MYO3A: variants seen among roughly 807,000 people sequenced by gnomAD.
MYO3A encodes myosin-IIIa.
MYO3A carries 180 observed loss-of-function variants against 192.7 expected under a neutral mutation model. The ratio of observed to expected loss-of-function variants is 0.93; its 90% CI spans 0.83 to 1.06. The LOEUF is 1.06. MYO3A is among the 50% of genes least tolerant of loss of function. The pLI is 0.00. For synonymous variants in MYO3A, 628 were observed against 645.3 expected (o/e 0.97, Z 0.41); for missense variants, 1,896 against 1,905.0 (o/e 1.00, Z 0.09).
chr10:26,049,963 C>T lies in MYO3A; in HGVS notation c.954-17012C>T, dbSNP rs556333387. Among the ~76,000 whole-genome samples, 14 of 152,054 alleles carry T rather than the reference C, an allele frequency of 9.2e-5. No homozygotes were observed. In the East Asian group the frequency reaches 2.1e-3, roughly 23 times the overall value. On this transcript the variant is annotated intron_variant, in intron 10 of 34. Coordinates refer to ENST00000642920, the MANE Select transcript of MYO3A (RefSeq NM_017433.5). ...TACTGGGATTACAGGCATGAGCCAC[C>T]GCACGCAGCTGAAATTCTTTCTACT...
In MYO3A at chr10:26,208,989, T is replaced by C. The variant is rs1453542161; in HGVS notation, c.4731-2854T>C. Among the ~76,000 whole-genome samples the C allele has an allele frequency of 2.6e-5, 4 of 152,218 alleles. No individual in the cohort carries two copies. The South Asian group carries it at 8.3e-4, about 31-fold the overall frequency. ...AGGCAGCCCCTTAGTTACTTTGCAA[T>C]ATTACATTTCCCTAAAAATTCCTTA... On this transcript the variant is annotated intron_variant, in intron 34 of 34. Transcript: ENST00000642920.
chr10:25,999,636 T>G (rs1293678936), intron 6 of MYO3A, among the ~76,000 whole-genome samples: 4 of 152,244 alleles, frequency 2.6e-5, no homozygotes. Flanking sequence ...ATCAATTTTA[T>G]TTGAATCTGT....
At chr10:25,982,293 T>C (rs908805084) in intron 4 of MYO3A, among the ~76,000 whole-genome samples, 1 of 152,072 alleles carries the variant, frequency 6.6e-6, no homozygotes, top group Non-Finnish European at 1.5e-5. Context: ...CGCCACCTGG[T>C]GGTCTTTCTC....
At position 26,140,697 on chromosome 10, in the gene MYO3A, AAAG is replaced by A. The variant is rs1261424079; in HGVS notation, c.2263-2742_2263-2740del. Among the ~76,000 whole-genome samples the A allele has an allele frequency of 3.2e-4, 49 of 151,936 alleles. No homozygotes were observed. In the South Asian group the frequency reaches 4.8e-3, roughly 15 times the overall value. On this transcript the variant is annotated intron_variant, in intron 20 of 34. Transcript: ENST00000642920. Reference sequence around the variant, plus strand: ...GAGACTCTGTCTCAAAAAAAAAAAAAAAGAAGAAGAAAAACAAGGGACAACTTT... The same window carrying A: ...GAGACTCTGTCTCAAAAAAAAAAAAAAAGAAGAAAAACAAGGGACAACTTT...
chr10:26,153,915 A>T lies in MYO3A; in HGVS notation c.2701A>T (p.Ile901Phe). 1 of 1,592,828 alleles carries T rather than the reference A, an allele frequency of 6.3e-7. No homozygotes were observed. The highest frequency in any genetic ancestry group is 8.6e-7 in the Non-Finnish European group (1 of 1,160,932). ...TCAAATGAGGACTTCAGAAAAATTA[A>T]TCAACCTGGCAAAGGTAAGAAAATG... Reference protein sequence around the residue: ...NYQMRTSEKLINLAKGDTGEA... With the variant: ...NYQMRTSEKLFNLAKGDTGEA... Residue 901 changes from isoleucine to phenylalanine, a missense_variant, in exon 24 of 35, where the codon ATC (isoleucine) becomes TTC (phenylalanine). Ile to Phe is a conservative substitution (Grantham distance 21). Coordinates refer to ENST00000642920, the MANE Select transcript of MYO3A (RefSeq NM_017433.5).
chr10:25,936,965 A>G lies in MYO3A; in HGVS notation c.-18+1135A>G, dbSNP rs373445257. Among the ~76,000 whole-genome samples the G allele has an allele frequency of 5.4e-5, 8 of 148,728 alleles. No individual in the cohort carries two copies. The South Asian group carries it at 1.7e-3, about 31-fold the overall frequency. ...GATTAGACAATGTCGATATGTTTAT[A>G]GTTATAGATCATGTCTTGATAAAAA... On this transcript the variant is annotated intron_variant, in intron 2 of 34. Coordinates refer to ENST00000642920, the MANE Select transcript of MYO3A (RefSeq NM_017433.5).
At chr10:25,999,119 C>T (rs923352475) in intron 6 of MYO3A, among the ~76,000 whole-genome samples, 4 of 152,062 alleles carry the variant, frequency 2.6e-5, no homozygotes, top group Non-Finnish European at 5.9e-5. Flanking sequence ...AGGATGGTCT[C>T]GATCTCCTGA....
At chr10:25,974,210 T>C (rs1838837933) in intron 4 of MYO3A, among the ~76,000 whole-genome samples, 4 of 152,126 alleles carry the variant, frequency 2.6e-5, no homozygotes, top group Admixed American at 2.6e-4. Flanking sequence ...AGGACTAATA[T>C]CCAGAATCTA....
chr10:25,956,308 A>G (rs1837530963), intron 4 of MYO3A, among the ~76,000 whole-genome samples: 4 of 151,418 alleles, frequency 2.6e-5, no homozygotes. Context: ...TTATATTAAG[A>G]CTTTATATTC....
At chr10:26,048,912 G>A (rs1843794024) in intron 10 of MYO3A, among the ~76,000 whole-genome samples, 1 of 152,164 alleles carries the variant, frequency 6.6e-6, no homozygotes, top group African/African-American at 2.4e-5. Context: ...AAGAGGCCCA[G>A]GACAGAGCTC....
intron 15 of MYO3A, among the ~76,000 whole-genome samples, chr10:26,095,893 C>T (rs1311164775): frequency 6.6e-6 from 1 of 152,160 alleles, no homozygotes; most frequent in Non-Finnish European, 1.5e-5. Context: ...TATTAATCAT[C>T]AACTCTGTGG....
chr10:26,071,619 A>T (rs1835212788), intron 14 of MYO3A, among the ~76,000 whole-genome samples: 1 of 152,214 alleles, frequency 6.6e-6, no homozygotes, highest in African/African-American at 2.4e-5. Flanking sequence ...AATATTTGCA[A>T]GACACACAAC....
chr10:26,153,005 G>C (rs1035717441), intron 23 of MYO3A, among the ~76,000 whole-genome samples: 5 of 152,218 alleles, frequency 3.3e-5, no homozygotes, highest in Admixed American at 6.5e-5. Context: ...AAGAAGGAGA[G>C]AGACAAGAAA....
chr10:26,077,194 T>G (rs989086601), intron 14 of MYO3A, among the ~76,000 whole-genome samples: 14 of 149,304 alleles, frequency 9.4e-5, no homozygotes, highest in African/African-American at 3.4e-4. Context: ...GTTTTCCTTG[T>G]AGAGGTCTTT....
chr10:26,193,427 G>T (rs965037554), intron 32 of MYO3A, 116 bp downstream of exon 32: 1 of 843,760 alleles, frequency 1.2e-6, no homozygotes. Context: ...ACAGAGATGC[G>T]CTTGGTCTCC....
At chr10:25,993,929 C>A (rs189707114) in intron 4 of MYO3A, among the ~76,000 whole-genome samples, 74 of 152,296 alleles carry the variant, frequency 4.9e-4, no homozygotes, top group African/African-American at 1.7e-3. Flanking sequence ...TGCTTTACTT[C>A]CAACTATGTG....
intron 6 of MYO3A, among the ~76,000 whole-genome samples, chr10:26,007,166 T>C (rs1230474596): frequency 1.3e-5 from 2 of 148,654 alleles, no homozygotes; most frequent in Non-Finnish European, 3.0e-5. Context: ...AAAAGGCCTT[T>C]GACAAAATTC....
intron 29 of MYO3A, 23 bp downstream of exon 29, chr10:26,170,562 AC>A: frequency 6.3e-7 from 1 of 1,597,790 alleles, no homozygotes; most frequent in Non-Finnish European, 8.5e-7. Context: ...TCATTCTTAT[AC>A]CGTTGTAACA....
In MYO3A at chr10:26,088,273, G is replaced by T; in HGVS notation, c.1430G>T (p.Cys477Phe). ...TTGGTAGAAGCCTTTGGCAATGCCTGCACTATTATAAATGACAATTCTAGC... is the reference window on the plus strand; with the variant it reads ...TTGGTAGAAGCCTTTGGCAATGCCTTCACTATTATAAATGACAATTCTAGC... Reference protein sequence around the residue: ...NNLVEAFGNACTIINDNSSRF... With the variant: ...NNLVEAFGNAFTIINDNSSRF... Residue 477 changes from cysteine (C) to phenylalanine (F), a missense_variant, in exon 15 of 35, where the codon TGC becomes TTC. Coordinates refer to ENST00000642920, the MANE Select transcript of MYO3A (RefSeq NM_017433.5). 6.2e-7 allele frequency: 1 copy of T among 1,613,634 alleles called. No individual in the cohort carries two copies. The highest frequency in any genetic ancestry group is 1.1e-5 in the South Asian group (1 of 91,060).
Sources: gnomAD v4.1 joint callset for allele counts (sites outside exome capture counted in the v4.1 genomes callset) on GRCh38, gnomAD v4.1.1 for gene constraint, MANE v1.5 for transcripts, NCBI Gene and HGNC (gene_info 2026-07-23, HGNC 2026-07-21) for gene names.